SH3KBP1: variants seen among roughly 807,000 people sequenced by gnomAD.
SH3KBP1 encodes the protein SH3 domain containing kinase binding protein 1.
Under a neutral mutation model 50.1 loss-of-function variants are expected in SH3KBP1, and 8 were observed. That is an observed-to-expected ratio of 0.16 (90% CI 0.09 to 0.29). The LOEUF (loss-of-function observed/expected upper bound fraction) is 0.29, where lower values mean the gene tolerates loss of function less well. Ranked by LOEUF, SH3KBP1 falls within the 10% of genes least tolerant of loss-of-function variation. The pLI is 1.00. For synonymous variants in SH3KBP1, 227 were observed against 218.6 expected (o/e 1.04, Z -0.34); for missense variants, 377 against 535.2 (o/e 0.70, Z 2.92).
At chrX:19,674,551 T>C (rs182951769) in intron 6 of SH3KBP1, among the ~76,000 whole-genome samples, 157 of 112,186 alleles carry the variant, frequency 1.4e-3, no homozygotes, top group Middle Eastern at 4.6e-3. Flanking sequence ...AGAATTGGAT[T>C]AGCACAAAAC....
intron 1 of SH3KBP1, among the ~76,000 whole-genome samples, chrX:19,877,497 G>C (rs1487946210): frequency 9.0e-6 from 1 of 111,721 alleles, no homozygotes; most frequent in Non-Finnish European, 1.9e-5. Context: ...AGAACTAGCT[G>C]GAATAATTAG....
At chrX:19,612,863 A>T (rs1360194826) in intron 8 of SH3KBP1, among the ~76,000 whole-genome samples, 1 of 112,253 alleles carries the variant, frequency 8.9e-6, no homozygotes, top group Non-Finnish European at 1.9e-5. Flanking sequence ...GGAAGCAGAG[A>T]ACAAGGACAA....
At chrX:19,541,143 C>G (rs2064878912) in intron 16 of SH3KBP1, among the ~76,000 whole-genome samples, 1 of 112,000 alleles carries the variant, frequency 8.9e-6, no homozygotes, top group South Asian at 3.7e-4. Flanking sequence ...TCTCAAACTC[C>G]TGACCTCAGG....
At chrX:19,707,217 C>G in intron 3 of SH3KBP1, 1 of 475,499 alleles carries the variant, frequency 2.1e-6, no homozygotes, top group African/African-American at 2.3e-5. Flanking sequence ...TATGAGAAAC[C>G]GATCCATTGG....
chrX:19,673,650 C>T (rs1053334312), intron 6 of SH3KBP1, among the ~76,000 whole-genome samples: 3 of 111,295 alleles, frequency 2.7e-5, no homozygotes, highest in Non-Finnish European at 5.7e-5. Flanking sequence ...CTTCCTCTCC[C>T]ATCTCCAGTC....
At chrX:19,727,712 G>A (rs1462611838) in intron 3 of SH3KBP1, among the ~76,000 whole-genome samples, 4 of 112,470 alleles carry the variant, frequency 3.6e-5, no homozygotes, top group African/African-American at 9.7e-5. Flanking sequence ...TAGGCCGGGC[G>A]TGGTGGCTCA....
chrX:19,625,653 G>A (rs887516361), intron 8 of SH3KBP1, among the ~76,000 whole-genome samples: 4 of 111,893 alleles, frequency 3.6e-5, no homozygotes, highest in Non-Finnish European at 7.5e-5. Flanking sequence ...CAAAGGATGG[G>A]GTGATGGCAT....
chrX:19,691,352 C>A (rs188896203), intron 5 of SH3KBP1, among the ~76,000 whole-genome samples: 6,444 of 89,002 alleles, frequency 0.072, 367 homozygotes, highest in African/African-American at 0.2. Context: ...CTCTCTCTCT[C>A]TCTCTATATA....
chrX:19,562,327 A>G (rs1243236954), intron 13 of SH3KBP1, among the ~76,000 whole-genome samples: 1 of 111,167 alleles, frequency 9.0e-6, no homozygotes, highest in Non-Finnish European at 1.9e-5. Context: ...CCATGAGCCC[A>G]CAGCCAGGGG....
intron 2 of SH3KBP1, among the ~76,000 whole-genome samples, chrX:19,752,703 AC>A (rs1337093976): frequency 8.9e-6 from 1 of 112,524 alleles, no homozygotes; most frequent in African/African-American, 3.2e-5. Context: ...TCTGCACTTC[AC>A]TGCATGCAAT....
chrX:19,714,814 T>A (rs1408968457), intron 3 of SH3KBP1, among the ~76,000 whole-genome samples: 4 of 112,445 alleles, frequency 3.6e-5, no homozygotes, highest in Middle Eastern at 4.2e-3. Flanking sequence ...CTGGGGAAAT[T>A]TGAATATGAA....
intron 12 of SH3KBP1, among the ~76,000 whole-genome samples, chrX:19,570,015 C>T (rs2065959547): frequency 8.9e-6 from 1 of 112,217 alleles, no homozygotes; most frequent in African/African-American, 3.2e-5. Flanking sequence ...CAGTTGTTCC[C>T]AGCAAAGTAA....
In SH3KBP1 at chrX:19,613,507, T is replaced by C. The variant is rs374558501; in HGVS notation, c.898-5462A>G. On this transcript the variant is annotated intron_variant, in intron 8 of 17. Transcript: ENST00000397821. The stretch of plus-strand genomic sequence containing the variant: ...TTAGCAAGAATATGGAAAGAAATCA[T>C]ATTTCTGACATATCATTTTTACTCT... Among the ~76,000 whole-genome samples, 7 of 112,663 alleles carry C rather than the reference T, an allele frequency of 6.2e-5. No individual in the cohort carries two copies. The East Asian group carries it at 1.7e-3, about 27-fold the overall frequency.
chrX:19,863,378 T>C (rs1285298442), intron 1 of SH3KBP1, among the ~76,000 whole-genome samples: 1 of 111,274 alleles, frequency 9.0e-6, no homozygotes, highest in Non-Finnish European at 1.9e-5. Flanking sequence ...AGGGCTCTCT[T>C]CATGCCTGCT....
intron 3 of SH3KBP1, among the ~76,000 whole-genome samples, chrX:19,711,496 G>A (rs1363969084): frequency 9.0e-6 from 1 of 111,436 alleles, no homozygotes; most frequent in Non-Finnish European, 1.9e-5. Flanking sequence ...TTCAGTGTCC[G>A]TGAAAATAAA....
At chrX:19,865,380 A>C (rs2068878924) in intron 1 of SH3KBP1, among the ~76,000 whole-genome samples, 1 of 112,059 alleles carries the variant, frequency 8.9e-6, no homozygotes, top group Non-Finnish European at 1.9e-5. Flanking sequence ...TCTTGTGGTA[A>C]GTACCCTAAA....
At chrX:19,774,024 C>A (rs946456311) in intron 2 of SH3KBP1, among the ~76,000 whole-genome samples, 1 of 109,924 alleles carries the variant, frequency 9.1e-6, no homozygotes, top group Admixed American at 9.7e-5. Context: ...TCATAGAAAA[C>A]GGAATTAGCA....
chrX:19,606,515 T>G (rs1233129695), intron 9 of SH3KBP1, among the ~76,000 whole-genome samples: 1 of 112,587 alleles, frequency 8.9e-6, no homozygotes, highest in Non-Finnish European at 1.9e-5. Flanking sequence ...TCAAGTGATT[T>G]TGCTTGGTGG....
At chrX:19,800,078 C>T (rs1269198923) in intron 2 of SH3KBP1, among the ~76,000 whole-genome samples, 1 of 111,254 alleles carries the variant, frequency 9.0e-6, no homozygotes, top group African/African-American at 3.3e-5. Flanking sequence ...AAACACTCCA[C>T]CCAGGCCTCC....
Sources: allele counts gnomAD v4.1 joint callset (sites outside exome capture counted in the v4.1 genomes callset), GRCh38; gene constraint gnomAD v4.1.1; transcripts MANE v1.5; gene names NCBI Gene and HGNC (gene_info 2026-07-23, HGNC 2026-07-21).